Variants in PRKG1 observed in about 807,000 individuals in gnomAD.
PRKG1 encodes the protein cGMP-dependent protein kinase 1.
Under a neutral mutation model 88.1 loss-of-function variants are expected in PRKG1, and 35 were observed. The ratio of observed to expected loss-of-function variants is 0.40; its 90% CI spans 0.30 to 0.53. The LOEUF (loss-of-function observed/expected upper bound fraction) is 0.53, where lower values mean the gene tolerates loss of function less well. PRKG1 is among the 20% of genes least tolerant of loss of function. The pLI, the probability that PRKG1 is intolerant of heterozygous loss-of-function variation, is 0.59. For synonymous variants in PRKG1, 303 were observed against 292.5 expected (o/e 1.04, Z -0.37); for missense variants, 540 against 839.8 (o/e 0.64, Z 4.41).
chr10:52,174,586 A>T (rs1183559403), intron 9 of PRKG1, among the ~76,000 whole-genome samples: 2 of 152,154 alleles, frequency 1.3e-5, no homozygotes, highest in African/African-American at 4.8e-5. Flanking sequence ...AGATAGTATA[A>T]AACTATAGCA....
At chr10:51,859,786 C>A (rs1461300136) in intron 4 of PRKG1, among the ~76,000 whole-genome samples, 1 of 152,132 alleles carries the variant, frequency 6.6e-6, no homozygotes, top group African/African-American at 2.4e-5. Flanking sequence ...CAAAAAAATT[C>A]TCTTTAACAT....
At chr10:52,207,731 AC>A (rs1362630300) in intron 9 of PRKG1, among the ~76,000 whole-genome samples, 12 of 152,022 alleles carry the variant, frequency 7.9e-5, no homozygotes, top group East Asian at 1.9e-4. Flanking sequence ...ACCACTCCTT[AC>A]CTGTTCAACT....
chr10:51,678,875 C>A (rs2132364116), intron 3 of PRKG1, among the ~76,000 whole-genome samples: 1 of 152,278 alleles, frequency 6.6e-6, no homozygotes, highest in Non-Finnish European at 1.5e-5. Context: ...GGGTGAACAT[C>A]AGTTATTATC....
At chr10:51,697,571 T>A in intron 3 of PRKG1, 42 of 895,668 alleles carry the variant, frequency 4.7e-5, no homozygotes, top group East Asian at 3.6e-4. Context: ...GAACAAAAAA[T>A]AAGATTAGGT....
At chr10:52,119,333 A>T (rs992932085) in intron 7 of PRKG1, among the ~76,000 whole-genome samples, 1 of 152,322 alleles carries the variant, frequency 6.6e-6, no homozygotes, top group East Asian at 1.9e-4. Context: ...AATGAAATGG[A>T]GAATGAATCA....
intron 6 of PRKG1, among the ~76,000 whole-genome samples, chr10:52,055,650 C>T (rs973250176): frequency 4.6e-5 from 7 of 152,000 alleles, no homozygotes; most frequent in African/African-American, 1.7e-4. Context: ...ATGATTTAAA[C>T]TTATGTTTCT....
At chr10:51,942,763 A>G (rs1842938643) in intron 5 of PRKG1, among the ~76,000 whole-genome samples, 1 of 151,340 alleles carries the variant, frequency 6.6e-6, no homozygotes, top group African/African-American at 2.5e-5. Flanking sequence ...AGATAGTTGT[A>G]GATATATGGC....
intron 3 of PRKG1, among the ~76,000 whole-genome samples, chr10:51,732,492 A>G (rs895713845): frequency 2.0e-5 from 3 of 152,204 alleles, no homozygotes; most frequent in Non-Finnish European, 4.4e-5. Flanking sequence ...AAACAGAAAC[A>G]TGGTCAGAGA....
At chr10:51,775,741 C>T (rs951138723) in intron 3 of PRKG1, among the ~76,000 whole-genome samples, 4 of 151,934 alleles carry the variant, frequency 2.6e-5, no homozygotes, top group African/African-American at 4.8e-5. Flanking sequence ...CCCACCACCA[C>T]GGCCGGCTAA....
intron 5 of PRKG1, among the ~76,000 whole-genome samples, chr10:51,953,003 T>C (rs1227675303): frequency 1.3e-5 from 2 of 152,206 alleles, no homozygotes; most frequent in African/African-American, 4.8e-5. Flanking sequence ...TTAATACTCA[T>C]TGTTTCTTCT....
At position 52,215,037 on chromosome 10, in the gene PRKG1, CAA is replaced by C. The variant is rs5784912; in HGVS notation, c.1077-36519_1077-36518del. Among the ~76,000 whole-genome samples, 274 of 134,042 alleles carry C rather than the reference CAA, an allele frequency of 2.0e-3. 1 individual carries two copies. The highest frequency in any genetic ancestry group is 6.8e-3 in the African/African-American group (249 of 36,580). 87.9% of individuals were successfully genotyped at this position (134,042 alleles called of 152,430 possible). A position where few individuals can be genotyped will look rare whatever the true frequency, so the allele number is the denominator to read the frequency against. ...GTTAAAATAATGATAAAAGTTTTTTCAAAAAAAAAAAAAAATGCCAGCATGAA... is the reference window on the plus strand; with the variant it reads ...GTTAAAATAATGATAAAAGTTTTTTCAAAAAAAAAAAAATGCCAGCATGAA... On this transcript the variant is annotated intron_variant, in intron 9 of 17. Transcript: ENST00000373980.
intron 9 of PRKG1, among the ~76,000 whole-genome samples, chr10:52,207,063 A>G (rs753753503): frequency 2.8e-4 from 43 of 152,140 alleles, no homozygotes; most frequent in Non-Finnish European, 5.4e-4. Flanking sequence ...ATGCACACTT[A>G]CCCCAGTAGT....
chr10:51,059,230 G>C (rs1843667911), intron 1 of PRKG1, among the ~76,000 whole-genome samples: 1 of 152,088 alleles, frequency 6.6e-6, no homozygotes, highest in South Asian at 2.1e-4. Flanking sequence ...AATGTTGAAT[G>C]AATGTGGTGA....
At chr10:51,962,878 T>C (rs866282998) in intron 5 of PRKG1, among the ~76,000 whole-genome samples, 3 of 152,182 alleles carry the variant, frequency 2.0e-5, no homozygotes, top group African/African-American at 4.8e-5. Flanking sequence ...CTACAAGGAA[T>C]TTAATCGGTG....
intron 2 of PRKG1, among the ~76,000 whole-genome samples, chr10:51,366,113 C>T (rs1842584900): frequency 6.6e-6 from 1 of 151,630 alleles, no homozygotes; most frequent in Admixed American, 6.6e-5. Flanking sequence ...TATTTTTGGT[C>T]ATCTCTTTGA....
chr10:52,128,096 G>T, intron 7 of PRKG1: 1 of 985,226 alleles, frequency 1.0e-6, no homozygotes, highest in Non-Finnish European at 1.2e-6. Flanking sequence ...AAAAGAATTT[G>T]CTTTGTGCTG....
chr10:51,251,570 T>G (rs1223553438), intron 2 of PRKG1, among the ~76,000 whole-genome samples: 1 of 151,438 alleles, frequency 6.6e-6, no homozygotes, highest in Non-Finnish European at 1.5e-5. Flanking sequence ...TTGAATAAAG[T>G]TCAACTTATA....
At chr10:52,215,819 G>A (rs1840095796) in intron 9 of PRKG1, among the ~76,000 whole-genome samples, 1 of 152,148 alleles carries the variant, frequency 6.6e-6, no homozygotes, top group Middle Eastern at 3.2e-3. Flanking sequence ...ATATTTACTA[G>A]TTGTGCTCTA....
At chr10:51,834,496 C>T (rs962120655) in intron 4 of PRKG1, among the ~76,000 whole-genome samples, 2 of 151,860 alleles carry the variant, frequency 1.3e-5, no homozygotes, top group East Asian at 1.9e-4. Flanking sequence ...CAAAAATTAG[C>T]TGGATGTGGT....
Sources: allele counts gnomAD v4.1 joint callset (sites outside exome capture counted in the v4.1 genomes callset), GRCh38; gene constraint gnomAD v4.1.1; transcripts MANE v1.5; gene names NCBI Gene and HGNC (gene_info 2026-07-23, HGNC 2026-07-21).